CELA3B: variants seen among roughly 807,000 people sequenced by gnomAD.
The protein encoded by CELA3B is chymotrypsin like elastase 3B.
A neutral mutation model predicts 37.2 loss-of-function variants in CELA3B; 34 were observed. The ratio of observed to expected loss-of-function variants is 0.91; its 90% CI spans 0.70 to 1.22. The LOEUF is 1.22. CELA3B is among the 50% of genes most tolerant of loss of function. The pLI is 0.00. For missense variants in CELA3B, 340 were observed against 363.1 expected (o/e 0.94, Z 0.52); for synonymous variants, 127 against 143.5 (o/e 0.89, Z 0.82).
chr1:21,983,591 G>C (rs560614593), intron 4 of CELA3B, 103 bp from the exon 5 acceptor site: 109 of 1,400,960 alleles, frequency 7.8e-5, no homozygotes, highest in Non-Finnish European at 1.0e-4. Context: ...GAGGGTGAAG[G>C]AGCTGGGGCA....
intron 4 of CELA3B, among the ~76,000 whole-genome samples, chr1:21,982,014 C>G (rs545790721): frequency 6.6e-6 from 1 of 152,060 alleles, no homozygotes; most frequent in African/African-American, 2.4e-5. Context: ...CATGAGCCAC[C>G]GCGCCCTGCC....
At chr1:21,986,753 A>G in intron 7 of CELA3B, 70 bp downstream of exon 7, 2 of 1,532,584 alleles carry the variant, frequency 1.3e-6, no homozygotes, top group Non-Finnish European at 1.8e-6. Flanking sequence ...GGTGAGAAAC[A>G]TCGGATCCTG....
exon 5 of CELA3B, chr1:21,998,412 T>G (rs1416755665): frequency 3.2e-6 from 1 of 312,158 alleles, no homozygotes; most frequent in Non-Finnish European, 6.7e-6. Flanking sequence ...TTCTAGTGGG[T>G]CCATTTATCA....
intron 2 of CELA3B, among the ~76,000 whole-genome samples, chr1:21,978,814 G>T (rs1365912366): frequency 6.6e-6 from 1 of 152,004 alleles, no homozygotes; most frequent in African/African-American, 2.4e-5. Context: ...AAGCAATAAG[G>T]GAGTGAGGGA....
chr1:21,983,976 A>T, intron 5 of CELA3B, 146 bp downstream of exon 5: 1 of 1,427,448 alleles, frequency 7.0e-7, no homozygotes, highest in South Asian at 1.4e-5. Context: ...CCAACCTCCA[A>T]AACACGAATG....
intron 6 of CELA3B, among the ~76,000 whole-genome samples, chr1:21,984,953 A>T (rs557358345): frequency 6.2e-4 from 94 of 151,940 alleles, no homozygotes; most frequent in African/African-American, 1.9e-3. Flanking sequence ...TCTAAAAAAA[A>T]AATAATAATA....
intron 7 of CELA3B, among the ~76,000 whole-genome samples, chr1:21,989,016 C>A (rs532613391): frequency 6.6e-6 from 1 of 152,096 alleles, no homozygotes; most frequent in East Asian, 1.9e-4. Context: ...TATCTATGCA[C>A]ACATCCCATC....
chr1:21,981,946 C>A (rs544410753), intron 4 of CELA3B, among the ~76,000 whole-genome samples: 4 of 152,006 alleles, frequency 2.6e-5, no homozygotes, highest in Admixed American at 1.3e-4. Flanking sequence ...AGGATGATCT[C>A]GATCTCCTGA....
downstream of CELA3B, chr1:21,989,482 G>A (rs1644860041): frequency 2.0e-6 from 1 of 490,126 alleles, no homozygotes. Context: ...AAATGATGCT[G>A]GGAGAGAAGG....
downstream of CELA3B, among the ~76,000 whole-genome samples, chr1:21,993,455 C>G (rs1374471321): frequency 7.6e-6 from 1 of 132,414 alleles, no homozygotes; most frequent in East Asian, 2.1e-4. Context: ...GAAAGGACCT[C>G]CTCTCCAAAA....
At chr1:21,995,139 TC>T (rs2152818216) in intron 4 of CELA3B, among the ~76,000 whole-genome samples, 1 of 107,442 alleles carries the variant, frequency 9.3e-6, no homozygotes, top group East Asian at 3.8e-4. Flanking sequence ...CCCTTTCTTT[TC>T]TTTCTTTTTT....
At chr1:21,984,607 A>G (rs1357959915) in intron 6 of CELA3B, among the ~76,000 whole-genome samples, 2 of 152,088 alleles carry the variant, frequency 1.3e-5, no homozygotes, top group African/African-American at 2.4e-5. Context: ...ACAGCAGGAG[A>G]TACTGGTCCC....
chr1:21,983,609 G>A, intron 4 of CELA3B, 85 bp from the exon 5 acceptor site: 2 of 1,564,198 alleles, frequency 1.3e-6, no homozygotes, highest in Non-Finnish European at 8.7e-7. Flanking sequence ...GCATCTCAGA[G>A]GCGGAATAGC....
chr1:21,984,775 C>A (rs1644827958), intron 6 of CELA3B, among the ~76,000 whole-genome samples: 1 of 151,832 alleles, frequency 6.6e-6, no homozygotes, highest in South Asian at 2.1e-4. Flanking sequence ...GGTGAAACCC[C>A]GTCTCTACTA....
At chr1:21,993,240 C>T (rs1295853776), downstream of CELA3B, among the ~76,000 whole-genome samples, 2 of 151,112 alleles carry the variant, frequency 1.3e-5, no homozygotes, top group African/African-American at 4.9e-5. Flanking sequence ...GCAGGTGGGT[C>T]ACTTGAGGTC....
Position 21,984,238 on chromosome 1 carries a change from G to A in CELA3B, c.549G>A (p.Val183=). 1 of 1,614,176 alleles carries A rather than the reference G, an allele frequency of 6.2e-7. No individual in the cohort carries two copies. Among genetic ancestry groups the A allele is most frequent in the Non-Finnish European group, 8.5e-7 (1 of 1,180,020 alleles). ...TGCAGGAGGCCCTGCTGCCGGTGGT[G>A]GACTATGAACACTGCTCCAGGTGGA... The part of the protein sequence containing the change: ...DKLQEALLPV[V]DYEHCSRWNW... The change falls in exon 6 of 8, where the codon GTG becomes GTA. Residue 183 remains valine, a synonymous_variant. Coordinates refer to ENST00000337107, the MANE Select transcript of CELA3B (RefSeq NM_007352.4).
intron 2 of CELA3B, 71 bp downstream of exon 2, chr1:21,978,525 C>G: frequency 6.5e-7 from 1 of 1,547,252 alleles, no homozygotes; most frequent in Non-Finnish European, 8.9e-7. Context: ...GCGCGGCATC[C>G]AGCCTTGACA....
intron 7 of CELA3B, among the ~76,000 whole-genome samples, chr1:21,988,243 CA>C (rs1644850754): frequency 1.5e-5 from 2 of 131,698 alleles, no homozygotes; most frequent in African/African-American, 6.5e-5. Context: ...AACAAAAAAA[CA>C]GTGATGATTT....
At chr1:21,986,359 G>C (rs1176597241) in intron 6 of CELA3B, among the ~76,000 whole-genome samples, 172 bp from the exon 7 acceptor site, 1 of 151,996 alleles carries the variant, frequency 6.6e-6, no homozygotes, top group African/African-American at 2.4e-5. Context: ...CTGGACAAGA[G>C]AGCGAGACTC....
Sources: allele counts gnomAD v4.1 joint callset (sites outside exome capture counted in the v4.1 genomes callset), GRCh38; gene constraint gnomAD v4.1.1; transcripts MANE v1.5; gene names NCBI Gene and HGNC (gene_info 2026-07-23, HGNC 2026-07-21).